MNAT1: variants seen among roughly 807,000 people sequenced by gnomAD.
MNAT1 encodes the protein MNAT1 component of CDK activating kinase.
A neutral mutation model predicts 42.0 loss-of-function variants in MNAT1; 43 were observed. That is an observed-to-expected ratio of 1.02 (90% confidence interval 0.80 to 1.32). MNAT1 has a LOEUF of 1.32. Ranked by LOEUF, MNAT1 falls within the 40% of genes most tolerant of loss-of-function variation. MNAT1 has a pLI of 0.00. For synonymous variants in MNAT1, 118 were observed against 120.0 expected, an observed-to-expected ratio of 0.98 and a Z score of 0.11; for missense variants, 306 against 350.4, an observed-to-expected ratio of 0.87 and a Z score of 1.01.
intron 7 of MNAT1, among the ~76,000 whole-genome samples, chr14:60,927,611 G>A (rs1196586680): frequency 6.6e-6 from 1 of 152,128 alleles, no homozygotes; most frequent in African/African-American, 2.4e-5. Flanking sequence ...TAGATTTATC[G>A]TTTTGTAAGT....
chr14:60,957,492 T>G (rs79694840), intron 7 of MNAT1, among the ~76,000 whole-genome samples: 2 of 152,174 alleles, frequency 1.3e-5, no homozygotes, highest in African/African-American at 4.8e-5. Context: ...CTCACTATCA[T>G]GAGAACAGCA....
intron 7 of MNAT1, among the ~76,000 whole-genome samples, chr14:60,962,013 T>TGA (rs1160962697): frequency 6.6e-6 from 1 of 152,210 alleles, no homozygotes; most frequent in Non-Finnish European, 1.5e-5. Flanking sequence ...AAGTGACACT[T>TGA]GTTCCTCATT....
intron 1 of MNAT1, among the ~76,000 whole-genome samples, chr14:60,744,937 C>T (rs1406721331): frequency 6.6e-6 from 1 of 152,168 alleles, no homozygotes; most frequent in Non-Finnish European, 1.5e-5. Context: ...ATTTTCCTCT[C>T]TTAACCACTC....
At chr14:60,780,647 A>G in intron 1 of MNAT1, 1 of 1,100,316 alleles carries the variant, frequency 9.1e-7, no homozygotes, top group Non-Finnish European at 1.3e-6. Context: ...GGTTTTCCTG[A>G]AATCAAGTCA....
intron 1 of MNAT1, among the ~76,000 whole-genome samples, chr14:60,748,384 C>T (rs2029923718): frequency 6.6e-6 from 1 of 152,122 alleles, no homozygotes; most frequent in South Asian, 2.1e-4. Context: ...GTTGGCGCCA[C>T]TGTGCCCAGT....
intron 7 of MNAT1, among the ~76,000 whole-genome samples, chr14:60,920,595 T>G (rs2139551119): frequency 6.6e-6 from 1 of 152,092 alleles, no homozygotes; most frequent in East Asian, 1.9e-4. Flanking sequence ...GGCCCACCAC[T>G]GTGCCCAGTT....
intron 3 of MNAT1, 117 bp from the exon 4 acceptor site, chr14:60,808,208 T>C (rs2032437581): frequency 3.4e-6 from 2 of 591,108 alleles, no homozygotes; most frequent in South Asian, 4.9e-5. Context: ...AGGTCACAAA[T>C]AGAGCTATAA....
At chr14:60,952,313 A>G (rs2036398280) in intron 7 of MNAT1, among the ~76,000 whole-genome samples, 1 of 152,184 alleles carries the variant, frequency 6.6e-6, no homozygotes, top group African/African-American at 2.4e-5. Flanking sequence ...TATAGCAGGA[A>G]TCCAATGAAT....
intron 6 of MNAT1, among the ~76,000 whole-genome samples, chr14:60,852,064 G>A (rs1426972881): frequency 2.0e-5 from 3 of 151,826 alleles, no homozygotes; most frequent in Non-Finnish European, 4.4e-5. Flanking sequence ...TGGGATTGCT[G>A]GGTCAAATGG....
intron 7 of MNAT1, among the ~76,000 whole-genome samples, chr14:60,906,060 T>G (rs1399999341): frequency 6.6e-6 from 1 of 152,194 alleles, no homozygotes; most frequent in Non-Finnish European, 1.5e-5. Flanking sequence ...TAAGATGGTA[T>G]TTTAGCAAAT....
intron 7 of MNAT1, among the ~76,000 whole-genome samples, chr14:60,880,450 G>A (rs2034526822): frequency 2.0e-5 from 3 of 152,096 alleles, no homozygotes; most frequent in Admixed American, 2.0e-4. Flanking sequence ...GTTGCTAGAT[G>A]GAGCAAATCA....
At chr14:60,856,572 A>G (rs1219512986) in intron 6 of MNAT1, among the ~76,000 whole-genome samples, 2 of 152,188 alleles carry the variant, frequency 1.3e-5, no homozygotes, top group African/African-American at 4.8e-5. Context: ...TTTTGTAGCT[A>G]AAGAGAAGAA....
intron 7 of MNAT1, among the ~76,000 whole-genome samples, chr14:60,899,142 A>C (rs1340510592): frequency 6.6e-6 from 1 of 152,126 alleles, no homozygotes; most frequent in Non-Finnish European, 1.5e-5. Context: ...TCTTAATTTC[A>C]TGTAGAGCTT....
intron 6 of MNAT1, among the ~76,000 whole-genome samples, chr14:60,850,130 C>T (rs773268906): frequency 3.3e-5 from 5 of 152,130 alleles, no homozygotes; most frequent in African/African-American, 4.8e-5. Flanking sequence ...GGCCACCTCA[C>T]CTGGCCTTAT....
chr14:60,919,059 G>T (rs760198893), intron 7 of MNAT1, among the ~76,000 whole-genome samples: 2 of 151,942 alleles, frequency 1.3e-5, no homozygotes, highest in Non-Finnish European at 2.9e-5. Context: ...GCTACACACC[G>T]AGAGAGACAG....
At chr14:60,915,173 C>T (rs2035485519) in intron 7 of MNAT1, among the ~76,000 whole-genome samples, 1 of 152,110 alleles carries the variant, frequency 6.6e-6, no homozygotes, top group African/African-American at 2.4e-5. Flanking sequence ...TTTTGTTCTA[C>T]TATTTACCTC....
chr14:60,899,965 G>A (rs1418132786), intron 7 of MNAT1, among the ~76,000 whole-genome samples: 7 of 151,194 alleles, frequency 4.6e-5, no homozygotes, highest in African/African-American at 1.7e-4. Context: ...TATTGTTTTG[G>A]TTGCCACAAA....
At chr14:60,959,624 G>T (rs2036551701) in intron 7 of MNAT1, among the ~76,000 whole-genome samples, 1 of 152,208 alleles carries the variant, frequency 6.6e-6, no homozygotes, top group Non-Finnish European at 1.5e-5. Flanking sequence ...CTTTTGTGTG[G>T]TTATGGAATT....
At chr14:60,796,455 T>A in intron 2 of MNAT1, 86 bp downstream of exon 2, 1 of 1,244,662 alleles carries the variant, frequency 8.0e-7, no homozygotes, top group South Asian at 1.6e-5. Context: ...CTCATAAATG[T>A]GGACAGATTA....
Sources: gnomAD v4.1 joint callset for allele counts (sites outside exome capture counted in the v4.1 genomes callset) on GRCh38, gnomAD v4.1.1 for gene constraint, MANE v1.5 for transcripts, NCBI Gene and HGNC (gene_info 2026-07-23, HGNC 2026-07-21) for gene names.